Variants in SNCAIP observed in about 807,000 individuals in gnomAD.
The protein encoded by SNCAIP is synphilin-1.
A neutral mutation model predicts 86.7 loss-of-function variants in SNCAIP; 43 were observed. The observed-to-expected ratio is 0.50, with a 90% CI of 0.39 to 0.64. The LOEUF is 0.64. Ranked by LOEUF, SNCAIP falls within the 30% of genes least tolerant of loss-of-function variation. The pLI is 0.00. For missense variants in SNCAIP, 981 were observed against 1,103.1 expected (o/e 0.89, Z 1.57); for synonymous variants, 417 against 427.2 (o/e 0.98, Z 0.29).
Position 122,448,678 on chromosome 5 carries a change from GTTATATATATA to G in SNCAIP, c.1593-1156_1593-1146del, listed in dbSNP as rs1782982930. Among the ~76,000 whole-genome samples, 6 of 122,092 alleles carry G rather than the reference GTTATATATATA, an allele frequency of 4.9e-5. No homozygotes were observed. In the Admixed American group the frequency reaches 5.5e-4, roughly 11 times the overall value. 80.1% of individuals were successfully genotyped at this position (122,092 alleles called of 152,430 possible). A position where few individuals can be genotyped will look rare whatever the true frequency, so the allele number is the denominator to read the frequency against. ...TATATATATTATATATATTATATAT[GTTATATATATA>G]TTATATATATTATATACATATATAT... On this transcript the variant is annotated intron_variant, in intron 8 of 10. Coordinates refer to ENST00000261368, the MANE Select transcript of SNCAIP (RefSeq NM_005460.4).
chr5:122,380,801 C>G (rs536045159), intron 1 of SNCAIP, among the ~76,000 whole-genome samples: 4 of 151,994 alleles, frequency 2.6e-5, no homozygotes, highest in Non-Finnish European at 4.4e-5. Flanking sequence ...GTTATGTATC[C>G]AGTAGTCATT....
At chr5:122,336,308 G>A (rs967492039) in intron 1 of SNCAIP, among the ~76,000 whole-genome samples, 4 of 152,090 alleles carry the variant, frequency 2.6e-5, no homozygotes, top group African/African-American at 9.7e-5. Context: ...TGTATGGAAG[G>A]TACTATTGTC....
intron 3 of SNCAIP, among the ~76,000 whole-genome samples, chr5:122,410,094 C>A (rs984303386): frequency 1.3e-5 from 2 of 152,092 alleles, no homozygotes; most frequent in African/African-American, 4.8e-5. Flanking sequence ...GATAAGACAT[C>A]TAGATGAGAT....
intron 10 of SNCAIP, among the ~76,000 whole-genome samples, chr5:122,463,142 T>C (rs557592341): frequency 6.6e-6 from 1 of 152,296 alleles, no homozygotes; most frequent in East Asian, 1.9e-4. Context: ...AAAATAAAAA[T>C]ATTTTGTTTA....
At chr5:122,405,918 T>C (rs1220321210) in intron 3 of SNCAIP, among the ~76,000 whole-genome samples, 2 of 152,154 alleles carry the variant, frequency 1.3e-5, no homozygotes, top group Non-Finnish European at 2.9e-5. Flanking sequence ...ACTTAGAAGC[T>C]TTTGAACTTT....
chr5:122,353,593 C>G (rs1039936791), intron 1 of SNCAIP, among the ~76,000 whole-genome samples: 1 of 152,074 alleles, frequency 6.6e-6, no homozygotes, highest in African/African-American at 2.4e-5. Flanking sequence ...GGGGGCGGGT[C>G]TTTCTTGTGC....
intron 1 of SNCAIP, among the ~76,000 whole-genome samples, chr5:122,369,110 G>C (rs919352512): frequency 7.9e-5 from 12 of 152,112 alleles, no homozygotes; most frequent in African/African-American, 2.9e-4. Context: ...AAATAAATTA[G>C]TGCCCTTGTA....
At chr5:122,453,728 C>T (rs545014322) in intron 10 of SNCAIP, among the ~76,000 whole-genome samples, 391 of 151,814 alleles carry the variant, frequency 2.6e-3, no homozygotes, top group Non-Finnish European at 2.8e-3. Flanking sequence ...AGAAGAGTTA[C>T]ATCCCTAAAC....
At chr5:122,328,121 G>C (rs537393603) in intron 1 of SNCAIP, among the ~76,000 whole-genome samples, 3 of 152,314 alleles carry the variant, frequency 2.0e-5, no homozygotes, top group African/African-American at 7.2e-5. Context: ...TAAAAGGATA[G>C]TTTGAGCCAA....
At chr5:122,319,784 C>T (rs553935417) in intron 1 of SNCAIP, among the ~76,000 whole-genome samples, 29 of 152,234 alleles carry the variant, frequency 1.9e-4, no homozygotes, top group African/African-American at 5.1e-4. Context: ...CAGTGTTTAC[C>T]GGATGCCAGC....
At chr5:122,358,755 C>G (rs1761620254) in intron 1 of SNCAIP, among the ~76,000 whole-genome samples, 1 of 151,984 alleles carries the variant, frequency 6.6e-6, no homozygotes, top group Non-Finnish European at 1.5e-5. Flanking sequence ...CTTGCAGCAC[C>G]CTATATCATA....
intron 3 of SNCAIP, among the ~76,000 whole-genome samples, chr5:122,407,046 C>T (rs1266660150): frequency 6.6e-6 from 1 of 152,130 alleles, no homozygotes; most frequent in Admixed American, 6.5e-5. Context: ...TGTCCTCTGG[C>T]CCAGGTACTG....
intron 3 of SNCAIP, among the ~76,000 whole-genome samples, chr5:122,414,427 C>T (rs1331274646): frequency 6.6e-6 from 1 of 152,002 alleles, no homozygotes; most frequent in Non-Finnish European, 1.5e-5. Flanking sequence ...GATGGGGTTT[C>T]ACCATGTTGG....
intron 1 of SNCAIP, among the ~76,000 whole-genome samples, chr5:122,347,746 G>T (rs375923440): frequency 6.6e-6 from 1 of 152,044 alleles, no homozygotes; most frequent in East Asian, 1.9e-4. Context: ...TATTCAAACA[G>T]TTCTGTTTGT....
chr5:122,345,378 T>C (rs148584517), intron 1 of SNCAIP, among the ~76,000 whole-genome samples: 232 of 152,310 alleles, frequency 1.5e-3, no homozygotes, highest in Middle Eastern at 6.8e-3. Flanking sequence ...CATACCTACT[T>C]CCTGGGATAT....
chr5:122,374,099 C>T (rs756664703), intron 1 of SNCAIP, among the ~76,000 whole-genome samples: 5 of 152,098 alleles, frequency 3.3e-5, no homozygotes, highest in Non-Finnish European at 7.4e-5. Flanking sequence ...GATATTCTTT[C>T]TTTAGCTATT....
intron 3 of SNCAIP, among the ~76,000 whole-genome samples, chr5:122,415,171 C>A (rs1290833204): frequency 6.6e-6 from 1 of 152,192 alleles, no homozygotes. Context: ...AGCCACTTTC[C>A]GCTGTTCCTC....
chr5:122,329,673 G>C (rs1754862858), intron 1 of SNCAIP, among the ~76,000 whole-genome samples: 2 of 152,180 alleles, frequency 1.3e-5, no homozygotes, highest in African/African-American at 4.8e-5. Flanking sequence ...TAGAGGAGCA[G>C]AAACAGCTTA....
chr5:122,377,266 A>G (rs2152805896), intron 1 of SNCAIP, among the ~76,000 whole-genome samples: 1 of 152,244 alleles, frequency 6.6e-6, no homozygotes, highest in African/African-American at 2.4e-5. Context: ...TATTCCAGAT[A>G]ACCTGTGGCT....
Sources: allele counts gnomAD v4.1 joint callset (sites outside exome capture counted in the v4.1 genomes callset), GRCh38; gene constraint gnomAD v4.1.1; transcripts MANE v1.5; gene names NCBI Gene and HGNC (gene_info 2026-07-23, HGNC 2026-07-21).